Variants in ADAMTSL3 observed in about 807,000 individuals in gnomAD.
ADAMTSL3 encodes ADAMTS like 3.
ADAMTSL3 carries 128 observed loss-of-function variants against 201.7 expected under a neutral mutation model. The observed-to-expected ratio is 0.63, with a 90% CI of 0.55 to 0.73. ADAMTSL3 has a LOEUF of 0.73. Among genes scored for constraint, ADAMTSL3 ranks in the 30% least tolerant of loss-of-function variants. The pLI, the probability that ADAMTSL3 is intolerant of heterozygous loss-of-function variation, is 0.00. For synonymous variants in ADAMTSL3, 738 were observed against 748.4 expected (o/e 0.99, Z 0.23); for missense variants, 1,990 against 2,119.6 (o/e 0.94, Z 1.20).
chr15:83,956,637 A>G (rs891943616), intron 19 of ADAMTSL3, among the ~76,000 whole-genome samples: 4 of 151,816 alleles, frequency 2.6e-5, no homozygotes, highest in Non-Finnish European at 5.9e-5. Flanking sequence ...ATGTAGTTCT[A>G]TCTGTTCCAT....
chr15:83,955,824 C>G lies in ADAMTSL3; in HGVS notation c.2490+12742C>G, dbSNP rs1330450746. 2.8e-4 allele frequency among the ~76,000 whole-genome samples: 43 copies of G among 151,886 alleles called. 1 individual carries two copies. Among genetic ancestry groups the G allele is most frequent in the Admixed American group, 2.8e-3 (43 of 15,246 alleles). On this transcript the variant is annotated intron_variant, in intron 19 of 29. Transcript: ENST00000286744. ...CAAAGTCCTCTTGACTGGTCTCTCT[C>G]CTCTCCTCAAGCAGAAGGAAGGAGT...
chr15:84,031,514 C>T, intron 28 of ADAMTSL3, 82 bp downstream of exon 28: 1 of 1,269,738 alleles, frequency 7.9e-7, no homozygotes, highest in Non-Finnish European at 1.1e-6. Context: ...AAATGGAATC[C>T]TTTCTAGTTT....
chr15:83,885,069 G>A (rs1232783122), intron 9 of ADAMTSL3, 32 bp from the exon 10 acceptor site: 2 of 1,465,968 alleles, frequency 1.4e-6, no homozygotes, highest in East Asian at 4.5e-5. Flanking sequence ...CTCCTTGTTT[G>A]CACGTGTGTT....
intron 3 of ADAMTSL3, among the ~76,000 whole-genome samples, chr15:83,737,638 A>C (rs2062389215): frequency 6.6e-6 from 1 of 152,210 alleles, no homozygotes; most frequent in African/African-American, 2.4e-5. Flanking sequence ...TCTTTATAGC[A>C]GTGTGAGAAT....
chr15:83,773,347 G>T (rs2063016079), intron 3 of ADAMTSL3, among the ~76,000 whole-genome samples, 176 bp from the exon 4 acceptor site: 1 of 151,970 alleles, frequency 6.6e-6, no homozygotes, highest in South Asian at 2.1e-4. Flanking sequence ...GGTGGAGGTT[G>T]CAGCGAGCCG....
Position 84,039,386 on chromosome 15 carries a change from C to A in ADAMTSL3, c.*1580C>A, listed in dbSNP as rs2068565882. On this transcript the variant is annotated 3_prime_UTR_variant, in exon 30 of 30. Transcript: ENST00000286744. ...TGTTCTAACTTCAGCTTCACTGACA[C>A]TGGGTTGAGCACTACTGTATGTGGA... 1 of 152,662 alleles carries A rather than the reference C, an allele frequency of 6.6e-6. No homozygotes were observed. The highest frequency in any genetic ancestry group is 6.5e-5 in the Admixed American group (1 of 15,284). 9.5% of individuals were successfully genotyped at this position (152,662 alleles called of 1,614,324 possible).
intron 23 of ADAMTSL3, among the ~76,000 whole-genome samples, chr15:84,009,839 C>G (rs1323569470): frequency 6.7e-6 from 1 of 148,520 alleles, no homozygotes; most frequent in Non-Finnish European, 1.5e-5. Context: ...CTGGAGATCT[C>G]CACACAGCTT....
At position 83,654,836 on chromosome 15, in the gene ADAMTSL3, C is replaced by A. The variant is rs1054522822; in HGVS notation, c.-34+560C>A. ...CCAGGGCCCCGCACTGGCCGCCTCC[C>A]TTCAGCCAGGAGTCGCCGCCTCAGG... On this transcript the variant is annotated intron_variant, in intron 1 of 29. Coordinates refer to ENST00000286744, the MANE Select transcript of ADAMTSL3 (RefSeq NM_207517.3). This position sits in a 1 kb window ranked among gnomAD's most constrained non-coding sequence, Gnocchi z 5.3. Among the ~76,000 whole-genome samples, 1 of 152,164 alleles carries A rather than the reference C, an allele frequency of 6.6e-6. No homozygotes were observed. The highest frequency in any genetic ancestry group is 2.4e-5 in the African/African-American group (1 of 41,438).
At position 83,816,813 on chromosome 15, in the gene ADAMTSL3, G is replaced by A. The variant is rs1253766705; in HGVS notation, c.364-2998G>A. On this transcript the variant is annotated intron_variant, in intron 5 of 29. Coordinates refer to ENST00000286744, the MANE Select transcript of ADAMTSL3 (RefSeq NM_207517.3). Reference sequence around the variant, plus strand: ...CTGAGCCCAGGAGTTTGAGACCAGCGTGGGCAACATGGCAAAACTGTCTCT... The same window carrying A: ...CTGAGCCCAGGAGTTTGAGACCAGCATGGGCAACATGGCAAAACTGTCTCT... 2.0e-5 allele frequency among the ~76,000 whole-genome samples: 3 copies of A among 152,120 alleles called. No individual in the cohort carries two copies. The East Asian group carries it at 5.8e-4, about 29-fold the overall frequency.
intron 20 of ADAMTSL3, among the ~76,000 whole-genome samples, chr15:83,973,603 G>C (rs1335647337): frequency 6.6e-6 from 1 of 152,094 alleles, no homozygotes; most frequent in Non-Finnish European, 1.5e-5. Flanking sequence ...TATTTTCTAA[G>C]AATGCCCTAG....
chr15:83,762,752 A>G (rs1452454517), intron 3 of ADAMTSL3, among the ~76,000 whole-genome samples: 3 of 152,220 alleles, frequency 2.0e-5, no homozygotes, highest in Non-Finnish European at 2.9e-5. Context: ...GACCATAGCA[A>G]AAACCAAATG....
intron 16 of ADAMTSL3, among the ~76,000 whole-genome samples, chr15:83,923,122 C>T (rs936687873): frequency 1.3e-5 from 2 of 152,046 alleles, no homozygotes; most frequent in Non-Finnish European, 2.9e-5. Context: ...TACTTTTTGG[C>T]TGTATTGCAT....
intron 23 of ADAMTSL3, among the ~76,000 whole-genome samples, chr15:84,010,228 T>C (rs1313686389): frequency 6.6e-6 from 1 of 152,228 alleles, no homozygotes; most frequent in African/African-American, 2.4e-5. Flanking sequence ...TTTGAAGGAA[T>C]TTCTGAAATG....
intron 2 of ADAMTSL3, among the ~76,000 whole-genome samples, chr15:83,688,419 G>A (rs2061565501): frequency 6.6e-6 from 1 of 152,036 alleles, no homozygotes; most frequent in South Asian, 2.1e-4. Flanking sequence ...GGACATATTA[G>A]ACAGATACTT....
At chr15:84,016,144 C>G (rs887024539) in intron 24 of ADAMTSL3, among the ~76,000 whole-genome samples, 30 of 152,084 alleles carry the variant, frequency 2.0e-4, no homozygotes, top group African/African-American at 5.1e-4. Context: ...GGCTAGAAAC[C>G]CTGGAAACAT....
chr15:83,706,203 C>A (rs2061848992), intron 3 of ADAMTSL3, among the ~76,000 whole-genome samples: 1 of 152,140 alleles, frequency 6.6e-6, no homozygotes, highest in Admixed American at 6.6e-5. Flanking sequence ...CTGGAAAATA[C>A]CAAGCTATGC....
At chr15:83,976,028 G>C (rs2067280339) in intron 20 of ADAMTSL3, among the ~76,000 whole-genome samples, 1 of 152,134 alleles carries the variant, frequency 6.6e-6, no homozygotes, top group South Asian at 2.1e-4. Context: ...GAAGCAATGG[G>C]GATGAATTCT....
In ADAMTSL3 at chr15:83,660,653, C is replaced by T. The variant is rs186723169; in HGVS notation, c.69+4823C>T. Among the ~76,000 whole-genome samples, 29 of 152,316 alleles carry T rather than the reference C, an allele frequency of 1.9e-4. No individual in the cohort carries two copies. The East Asian group carries it at 5.0e-3, about 26-fold the overall frequency. On this transcript the variant is annotated intron_variant, in intron 2 of 29. Coordinates refer to ENST00000286744, the MANE Select transcript of ADAMTSL3 (RefSeq NM_207517.3). Reference sequence around the variant, plus strand: ...GCCTTGTGAAATCGCCTTTTCCCATCCCCTAATGGAATCTTAGGAAGATCC... The same window carrying T: ...GCCTTGTGAAATCGCCTTTTCCCATTCCCTAATGGAATCTTAGGAAGATCC...
Position 84,017,319 on chromosome 15 carries a change from G to A in ADAMTSL3, c.4273+820G>A, listed in dbSNP as rs149325003. ...TTTTTAGTGGAGACGAGGTTTCACCGTGTTAGCCAGGATGATCTCGATCTC... is the reference window on the plus strand; with the variant it reads ...TTTTTAGTGGAGACGAGGTTTCACCATGTTAGCCAGGATGATCTCGATCTC... On this transcript the variant is annotated intron_variant, in intron 25 of 29. Coordinates refer to ENST00000286744, the MANE Select transcript of ADAMTSL3 (RefSeq NM_207517.3). Among the ~76,000 whole-genome samples the A allele has an allele frequency of 6.4e-3, 968 of 152,188 alleles. 10 individuals are homozygous for A. Among genetic ancestry groups the A allele is most frequent in the African/African-American group, 0.021 (883 of 41,508 alleles).
Sources: gnomAD v4.1 joint callset for allele counts (sites outside exome capture counted in the v4.1 genomes callset) on GRCh38, gnomAD v4.1.1 for gene constraint, Gnocchi (gnomAD v3.1) non-coding constraint, MANE v1.5 for transcripts, NCBI Gene and HGNC (gene_info 2026-07-23, HGNC 2026-07-21) for gene names.